SLC8A1: variants seen among roughly 807,000 people sequenced by gnomAD.
The protein encoded by SLC8A1 is sodium/calcium exchanger 1.
In SLC8A1, 18 loss-of-function variants were observed where a neutral mutation model predicts 68.3. The ratio of observed to expected loss-of-function variants is 0.26; its 90% CI spans 0.18 to 0.39. The LOEUF is 0.39. SLC8A1 is among the 10% of genes least tolerant of loss of function. The pLI is 1.00. For missense variants in SLC8A1, 985 were observed against 1,156.7 expected (o/e 0.85, Z 2.15); for synonymous variants, 475 against 415.5 (o/e 1.14, Z -1.74).
At chr2:40,346,543 T>C (rs1455863915) in intron 2 of SLC8A1, among the ~76,000 whole-genome samples, 1 of 152,158 alleles carries the variant, frequency 6.6e-6, no homozygotes. Context: ...TGACCCTCTC[T>C]GGGAAGACAG....
chr2:40,271,388 G>A (rs2066010444), intron 2 of SLC8A1, among the ~76,000 whole-genome samples: 1 of 152,020 alleles, frequency 6.6e-6, no homozygotes, highest in African/African-American at 2.4e-5. Flanking sequence ...CCGGATCTTT[G>A]CATGGTTAAT....
intron 2 of SLC8A1, among the ~76,000 whole-genome samples, chr2:40,273,184 G>T (rs746535328): frequency 1.3e-5 from 2 of 151,500 alleles, no homozygotes; most frequent in African/African-American, 2.4e-5. Flanking sequence ...CTCATGATCC[G>T]CCTGTCTTGG....
intron 2 of SLC8A1, among the ~76,000 whole-genome samples, chr2:40,336,585 T>C (rs904302828): frequency 6.6e-6 from 1 of 152,186 alleles, no homozygotes; most frequent in Non-Finnish European, 1.5e-5. Flanking sequence ...AACTGACCTT[T>C]TCCCCTGGGA....
intron 2 of SLC8A1, among the ~76,000 whole-genome samples, chr2:40,359,194 A>C (rs1333932491): frequency 6.6e-6 from 1 of 152,148 alleles, no homozygotes; most frequent in Non-Finnish European, 1.5e-5. Context: ...TAAAATACAC[A>C]CTTTATTTTG....
chr2:40,191,872 T>C (rs2051929315), intron 2 of SLC8A1, among the ~76,000 whole-genome samples: 2 of 152,134 alleles, frequency 1.3e-5, no homozygotes. Context: ...TAGGGAAACG[T>C]TGTTTTGAGG....
At chr2:40,318,826 T>C (rs574633254) in intron 2 of SLC8A1, among the ~76,000 whole-genome samples, 6 of 152,248 alleles carry the variant, frequency 3.9e-5, no homozygotes, top group Admixed American at 3.3e-4. Context: ...GTGCCTACTG[T>C]GTGCAACGCT....
At chr2:40,456,213 G>A (rs1421440913), upstream of SLC8A1, among the ~76,000 whole-genome samples, 1 of 151,924 alleles carries the variant, frequency 6.6e-6, no homozygotes, top group African/African-American at 2.4e-5. Flanking sequence ...CTACTTGGGA[G>A]GCTGAGGCAG....
At chr2:40,444,996 G>A (rs1055492607) in intron 1 of SLC8A1, among the ~76,000 whole-genome samples, 2 of 152,074 alleles carry the variant, frequency 1.3e-5, no homozygotes, top group African/African-American at 4.8e-5. Context: ...TTCACCTGGG[G>A]GCACACAGGC....
chr2:40,420,760 G>C (rs552010699), intron 2 of SLC8A1, among the ~76,000 whole-genome samples: 2 of 152,254 alleles, frequency 1.3e-5, no homozygotes, highest in East Asian at 3.9e-4. Context: ...CATGTGTTGA[G>C]GTTACTGTCA....
At chr2:40,413,500 A>G (rs1327548435) in intron 2 of SLC8A1, among the ~76,000 whole-genome samples, 1 of 152,208 alleles carries the variant, frequency 6.6e-6, no homozygotes, top group African/African-American at 2.4e-5. Context: ...AAAATGATCT[A>G]TTTAAGAATC....
At chr2:40,290,439 T>C (rs898912593) in intron 2 of SLC8A1, among the ~76,000 whole-genome samples, 3 of 152,096 alleles carry the variant, frequency 2.0e-5, no homozygotes, top group African/African-American at 7.2e-5. Flanking sequence ...CTATAGAATA[T>C]ATGCTTCTAG....
intron 2 of SLC8A1, among the ~76,000 whole-genome samples, chr2:40,283,296 TG>T (rs1386183291): frequency 6.6e-6 from 1 of 152,254 alleles, no homozygotes; most frequent in Non-Finnish European, 1.5e-5. Context: ...AGTAAGAGCC[TG>T]ATGCTATTAT....
intron 7 of SLC8A1, among the ~76,000 whole-genome samples, chr2:40,136,906 A>G (rs756808669): frequency 1.4e-4 from 22 of 152,234 alleles, no homozygotes; most frequent in Non-Finnish European, 2.9e-4. Flanking sequence ...TGCACAGTTA[A>G]TATTGCAGCA....
chr2:40,482,931 C>T (rs897933120), intron 1 of SLC8A1, among the ~76,000 whole-genome samples: 1 of 150,702 alleles, frequency 6.6e-6, no homozygotes, highest in Non-Finnish European at 1.5e-5. Flanking sequence ...GCTGGGACTA[C>T]AGGCGCCCGC....
At chr2:40,218,536 T>C (rs1355470360) in intron 2 of SLC8A1, among the ~76,000 whole-genome samples, 1 of 152,184 alleles carries the variant, frequency 6.6e-6, no homozygotes, top group Non-Finnish European at 1.5e-5. Context: ...ATATGGCCCA[T>C]TTTTAATGGC....
rs576322146 is a variant in SLC8A1, at chr2:40,443,621, A to G, written c.-25+8283T>C. On this transcript the variant is annotated intron_variant, in intron 1 of 7. Coordinates refer to ENST00000406785, the Ensembl canonical transcript of SLC8A1. ...TCTGAGGTCAGAGCCATGCAACTGC[A>G]TTTAATTGCATTCTACCACACTTAT... is the stretch of plus-strand genomic sequence containing the variant. Among the ~76,000 whole-genome samples, 10 of 152,344 alleles carry G rather than the reference A, an allele frequency of 6.6e-5. No homozygotes were observed. In the East Asian group the frequency reaches 1.5e-3, roughly 23 times the overall value.
chr2:40,463,839 TACACACACACACACACACACACAC>T (rs761954909), intron 1 of SLC8A1, among the ~76,000 whole-genome samples: 1 of 123,322 alleles, frequency 8.1e-6, no homozygotes. Flanking sequence ...CACACACACA[TACACACACACACACACACACACAC>T]ACACACACAC....
At chr2:40,392,206 AAAAAGAAAAAG>A (rs905962633) in intron 2 of SLC8A1, among the ~76,000 whole-genome samples, 1 of 151,762 alleles carries the variant, frequency 6.6e-6, no homozygotes, top group African/African-American at 2.4e-5. Context: ...GAAAGAAAAG[AAAAAGAAAAAG>A]AAAAGAGAAA....
At chr2:40,473,475 A>T (rs768178872) in intron 1 of SLC8A1, among the ~76,000 whole-genome samples, 1 of 152,162 alleles carries the variant, frequency 6.6e-6, no homozygotes, top group African/African-American at 2.4e-5. Flanking sequence ...TCTGACATAC[A>T]TAATGTTAAC....
Sources: allele counts gnomAD v4.1 joint callset (sites outside exome capture counted in the v4.1 genomes callset), GRCh38; gene constraint gnomAD v4.1.1; transcripts MANE v1.5; gene names NCBI Gene and HGNC (gene_info 2026-07-23, HGNC 2026-07-21).